Variants in ARID3B observed in about 807,000 individuals in gnomAD.
The protein encoded by ARID3B is AT-rich interaction domain 3B, also known as AT-rich interactive domain-containing protein 3B.
A neutral mutation model predicts 51.9 loss-of-function variants in ARID3B; 10 were observed. The ratio of observed to expected loss-of-function variants is 0.19; its 90% CI spans 0.12 to 0.33. The LOEUF (loss-of-function observed/expected upper bound fraction) is 0.33. Ranked by LOEUF, ARID3B falls within the 10% of genes least tolerant of loss-of-function variation. The pLI, the probability that ARID3B is intolerant of heterozygous loss-of-function variation, is 1.00. For missense variants in ARID3B, 483 were observed against 716.3 expected (o/e 0.67, Z 3.72); for synonymous variants, 205 against 279.5 (o/e 0.73, Z 2.66).
At chr15:74,550,585 G>A (rs1482354155) in intron 2 of ARID3B, among the ~76,000 whole-genome samples, 2 of 151,536 alleles carry the variant, frequency 1.3e-5, no homozygotes, top group Non-Finnish European at 2.9e-5. Flanking sequence ...AGGCGCCTGC[G>A]GTCCCAAGCT....
Position 74,591,831 on chromosome 15 carries a change from G to T in ARID3B, c.1420+17G>T. On this transcript the variant is annotated intron_variant, in intron 7 of 8. Coordinates refer to ENST00000346246, the MANE Select transcript of ARID3B (RefSeq NM_006465.4). This position sits in a 1 kb window ranked among gnomAD's most constrained non-coding sequence, Gnocchi z 5.8. ...ACGGCAGGGGTGAGCCAGGCTCAGG[G>T]CCGGGCCTTCCCTTCCTGGAAACCC... 1 of 1,606,866 alleles carries T rather than the reference G, an allele frequency of 6.2e-7. No homozygotes were observed. Among genetic ancestry groups the T allele is most frequent in the African/African-American group, 1.3e-5 (1 of 74,950 alleles).
chr15:74,592,001 T>C (rs2061805561), intron 7 of ARID3B, among the ~76,000 whole-genome samples, 187 bp downstream of exon 7: 1 of 152,236 alleles, frequency 6.6e-6, no homozygotes, highest in Non-Finnish European at 1.5e-5. Flanking sequence ...TGAGGTTGTT[T>C]GGTAGAGGGG....
intron 2 of ARID3B, among the ~76,000 whole-genome samples, chr15:74,560,041 ACCAC>A (rs2061673983): frequency 1.5e-4 from 20 of 137,320 alleles, no homozygotes; most frequent in Non-Finnish European, 1.9e-4. Flanking sequence ...TAAAAAAAAA[ACCAC>A]ACACACAAAA....
chr15:74,549,622 C>CT (rs1225077703), intron 2 of ARID3B, among the ~76,000 whole-genome samples: 1 of 151,766 alleles, frequency 6.6e-6, no homozygotes, highest in Non-Finnish European at 1.5e-5. Flanking sequence ...ACATTTGAGG[C>CT]TTTTTTAAAA....
chr15:74,549,289 A>T (rs967905896), intron 2 of ARID3B, among the ~76,000 whole-genome samples: 1 of 151,742 alleles, frequency 6.6e-6, no homozygotes, highest in East Asian at 1.9e-4. Flanking sequence ...GTTAGCCAGG[A>T]TGGTCTCGAT....
At chr15:74,554,003 T>G (rs180820213) in intron 2 of ARID3B, among the ~76,000 whole-genome samples, 234 of 151,774 alleles carry the variant, frequency 1.5e-3, no homozygotes, top group East Asian at 3.5e-3. Context: ...TTGTATTTTT[T>G]TTGTTGTTGT....
At chr15:74,575,982 A>C (rs1225766998) in intron 4 of ARID3B, among the ~76,000 whole-genome samples, 7 of 152,172 alleles carry the variant, frequency 4.6e-5, no homozygotes, top group Admixed American at 1.3e-4. Flanking sequence ...CTACAGCCTC[A>C]AAGTGCTGAG....
At chr15:74,557,339 C>A (rs1309426523) in intron 2 of ARID3B, among the ~76,000 whole-genome samples, 1 of 151,490 alleles carries the variant, frequency 6.6e-6, no homozygotes, top group Admixed American at 6.6e-5. Context: ...TCTCTTGAGC[C>A]CAAGAGATGG....
intron 2 of ARID3B, among the ~76,000 whole-genome samples, chr15:74,562,205 G>A (rs1431353765): frequency 1.3e-5 from 2 of 151,872 alleles, no homozygotes; most frequent in Non-Finnish European, 2.9e-5. Flanking sequence ...GCAATAGCAC[G>A]ATCTTGGCTC....
rs772164167 is a variant in ARID3B at position 74,591,739 on chromosome 15, G to A, written c.1345G>A (p.Val449Met). Residue 449 changes from valine to methionine, a missense_variant, in exon 7 of 9, where the codon GTG (valine) becomes ATG (methionine). By Grantham distance (21) the Val-to-Met change is conservative (BLOSUM62 1). Coordinates refer to ENST00000346246, the MANE Select transcript of ARID3B (RefSeq NM_006465.4). The surrounding 1 kb of genome is among the most constrained non-coding windows in gnomAD (Gnocchi z 5.8). Reference protein sequence around the residue: ...SRLSEEEQRLVQQAFQRNFFS... With the variant: ...SRLSEEEQRLMQQAFQRNFFS... ...GCTGTCTGAGGAGGAGCAGCGCCTGGTGCAGCAGGCCTTCCAGCGCAACTT... is the reference window on the plus strand; with the variant it reads ...GCTGTCTGAGGAGGAGCAGCGCCTGATGCAGCAGGCCTTCCAGCGCAACTT... The A allele has an allele frequency of 7.4e-6, 12 of 1,614,112 alleles. 1 individual carries two copies. Among genetic ancestry groups the A allele is most frequent in the Admixed American group, 5.0e-5 (3 of 60,010 alleles).
Position 74,541,239 on chromosome 15 carries a change from C to CCGGCTGCGGAGGAGTCCGAGACG in ARID3B, c.-167_-145dup, listed in dbSNP as rs2061593406. ...GCGGGCCCCGCCCCGGCTGTGGCCC[C>CCGGCTGCGGAGGAGTCCGAGACG]CGGCTGCGGAGGAGTCCGAGACGCA... On this transcript the variant is annotated 5_prime_UTR_variant, in exon 1 of 9. Coordinates refer to ENST00000346246, the MANE Select transcript of ARID3B (RefSeq NM_006465.4). The CCGGCTGCGGAGGAGTCCGAGACG allele has an allele frequency of 6.6e-6, 1 of 150,958 alleles. No individual in the cohort carries two copies. Among genetic ancestry groups the CCGGCTGCGGAGGAGTCCGAGACG allele is most frequent in the African/African-American group, 2.4e-5 (1 of 41,142 alleles). The allele number at this position is 150,958 out of a possible 1,614,324, so 9.4% of individuals were successfully genotyped here. A position where few individuals can be genotyped will look rare whatever the true frequency, so the allele number is the denominator to read the frequency against.
At chr15:74,570,259 G>A (rs891355865) in intron 2 of ARID3B, among the ~76,000 whole-genome samples, 1 of 152,086 alleles carries the variant, frequency 6.6e-6, no homozygotes, top group South Asian at 2.1e-4. Context: ...CTCCATGTGT[G>A]GAGCCGAGCG....
At position 74,595,800 on chromosome 15, in the gene ARID3B, C is replaced by G; in HGVS notation, c.*26C>G. The G allele has an allele frequency of 2.5e-6, 4 of 1,597,930 alleles. No individual in the cohort carries two copies. The highest frequency in any genetic ancestry group is 3.4e-6 in the Non-Finnish European group (4 of 1,170,632). On this transcript the variant is annotated 3_prime_UTR_variant, in exon 9 of 9. Transcript: ENST00000346246. ...TGGGCAGGACCCAGCTTCCCACTTG[C>G]CACTCTCCTGTCGAGAGTGAAGGAA...
At position 74,591,646 on chromosome 15, in the gene ARID3B, A is replaced by T; in HGVS notation, c.1252A>T (p.Thr418Ser). 2 of 1,604,212 alleles carry T rather than the reference A, an allele frequency of 1.2e-6. No individual in the cohort carries two copies. The highest frequency in any genetic ancestry group is 1.7e-6 in the Non-Finnish European group (2 of 1,175,408). Residue 418 changes from threonine (T) to serine (S), a missense_variant, in exon 7 of 9, where the codon ACC (threonine) becomes TCC (serine). Physicochemically the swap from Thr to Ser is moderately conservative, Grantham distance 58. Around this residue, in one of 3 missense-constraint regions of ARID3B, gnomAD observed 265 missense variants for 354.4 expected, o/e 0.75. Transcript: ENST00000346246. This position sits in a 1 kb window ranked among gnomAD's most constrained non-coding sequence, Gnocchi z 5.8. ...GGCAAGCCAGCAGGCTGGTACTCGG[A>T]CCGCCGCACTGGAGCAGCTGCGGGA... ...TLASQQAGTR[T>S]AALEQLRERL...
intron 2 of ARID3B, among the ~76,000 whole-genome samples, chr15:74,551,830 C>T (rs2061638515): frequency 6.6e-6 from 1 of 151,968 alleles, no homozygotes; most frequent in Non-Finnish European, 1.5e-5. Context: ...TCTTTATTTC[C>T]ATTTGTCACC....
chr15:74,543,516 A>T (rs137938176), intron 1 of ARID3B, among the ~76,000 whole-genome samples: 4 of 152,326 alleles, frequency 2.6e-5, no homozygotes, highest in African/African-American at 9.6e-5. Context: ...AATGTTCAGT[A>T]ACATTAGTTC....
At chr15:74,593,056 G>A (rs2061809629) in intron 7 of ARID3B, 82 bp from the exon 8 acceptor site, 3 of 1,219,564 alleles carry the variant, frequency 2.5e-6, no homozygotes, top group African/African-American at 1.5e-5. Context: ...CTTTGACCAG[G>A]GGTGGCCAGG....
At chr15:74,558,201 G>GTTTCTATTTTTTCT (rs2061666676) in intron 2 of ARID3B, among the ~76,000 whole-genome samples, 1 of 135,142 alleles carries the variant, frequency 7.4e-6, no homozygotes, top group African/African-American at 2.8e-5. Flanking sequence ...TTTTTTTTGG[G>GTTTCTATTTTTTCT]TACTATTTTT....
At chr15:74,547,098 T>C (rs1313804599) in intron 2 of ARID3B, among the ~76,000 whole-genome samples, 3 of 152,090 alleles carry the variant, frequency 2.0e-5, no homozygotes, top group Admixed American at 2.0e-4. Flanking sequence ...AAAAATAGAA[T>C]ATCCCTTGCT....
Sources: gnomAD v4.1 joint callset for allele counts (sites outside exome capture counted in the v4.1 genomes callset) on GRCh38, gnomAD v4.1.1 for gene constraint, gnomAD v4.1.1 regional missense constraint, Gnocchi (gnomAD v3.1) non-coding constraint, MANE v1.5 for transcripts, NCBI Gene and HGNC (gene_info 2026-07-23, HGNC 2026-07-21) for gene names.